The following FHOD3 variants were observed in gnomAD, a reference collection of about 807,000 sequenced individuals.
The protein encoded by FHOD3 is formin homology 2 domain containing 3.
A neutral mutation model predicts 173.0 loss-of-function variants in FHOD3; 90 were observed. The observed-to-expected ratio is 0.52, with a 90% CI of 0.44 to 0.62. The LOEUF (loss-of-function observed/expected upper bound fraction) is 0.62, where lower values mean the gene tolerates loss of function less well. Ranked by LOEUF, FHOD3 falls within the 20% of genes least tolerant of loss-of-function variation. The pLI is 0.00. For missense variants in FHOD3, 1,945 were observed against 2,034.7 expected (o/e 0.96, Z 0.85); for synonymous variants, 828 against 823.0 (o/e 1.01, Z -0.10).
chr18:36,306,745 C>T (rs934776390), intron 1 of FHOD3, among the ~76,000 whole-genome samples: 2 of 152,112 alleles, frequency 1.3e-5, no homozygotes, highest in African/African-American at 4.8e-5. Context: ...CCTAGAACAG[C>T]GTCTGGCACA....
At chr18:36,670,969 T>A (rs983492207) in intron 14 of FHOD3, among the ~76,000 whole-genome samples, 21 of 152,264 alleles carry the variant, frequency 1.4e-4, no homozygotes, top group African/African-American at 4.8e-4. Flanking sequence ...CTCTGAATTA[T>A]GAAGTTTTTC....
At chr18:36,426,644 A>G (rs959858064) in intron 3 of FHOD3, among the ~76,000 whole-genome samples, 1 of 152,208 alleles carries the variant, frequency 6.6e-6, no homozygotes, top group African/African-American at 2.4e-5. Context: ...AAGCATAGAC[A>G]TGTGCATGAA....
intron 1 of FHOD3, among the ~76,000 whole-genome samples, chr18:36,308,574 G>A (rs1227784627): frequency 6.6e-6 from 1 of 152,096 alleles, no homozygotes; most frequent in African/African-American, 2.4e-5. Context: ...CTCATTCTAG[G>A]CTTTCCTGGC....
chr18:36,479,661 C>A (rs1443243005), intron 3 of FHOD3, among the ~76,000 whole-genome samples: 2 of 151,904 alleles, frequency 1.3e-5, no homozygotes, highest in Admixed American at 6.6e-5. Flanking sequence ...AGCCATTATT[C>A]TTAGACATAT....
In FHOD3 at chr18:36,779,497, G is replaced by C; in HGVS notation, c.4836G>C (p.Leu1612=). 1 of 1,614,158 alleles carries C rather than the reference G, an allele frequency of 6.2e-7. No homozygotes were observed. Among genetic ancestry groups the C allele is most frequent in the South Asian group, 1.1e-5 (1 of 91,070 alleles). The change falls in exon 29 of 29, where the codon CTG becomes CTC. Residue 1612 remains leucine, a synonymous_variant. Transcript: ENST00000590592. ...SGLTPEEARA[L]GLVGTSELQL ...TGACCCCAGAAGAAGCCAGAGCCCT[G>C]GGCTTGGTTGGCACCTCGGAGTTGC... is the stretch of plus-strand genomic sequence containing the variant.
chr18:36,760,773 G>A lies in FHOD3; in HGVS notation c.4615G>A (p.Ala1539Thr), dbSNP rs1012329616. The A allele has an allele frequency of 1.9e-6, 3 of 1,609,008 alleles. No individual in the cohort carries two copies. The highest frequency in any genetic ancestry group is 1.7e-5 in the Admixed American group (1 of 59,802). ...GCTGGGCGTCCGCACACGCAGCCGA[G>A]CAAGCCGAGGTAACTCCTGGCTGCG... ...PALGVRTRSRASRGSTSSWTM... is the reference protein window; with the variant it reads ...PALGVRTRSRTSRGSTSSWTM... The change falls in exon 27 of 29, where the codon GCA becomes ACA. Residue 1539 changes from alanine (A) to threonine (T), a missense_variant. Coordinates refer to ENST00000590592, the MANE Select transcript of FHOD3 (RefSeq NM_001281740.3).
Position 36,669,172 on chromosome 18 carries a change from A to G in FHOD3, c.1835+10984A>G, listed in dbSNP as rs1415656916. Among the ~76,000 whole-genome samples the G allele has an allele frequency of 2.0e-5, 3 of 152,048 alleles. No individual in the cohort carries two copies. In the East Asian group the frequency reaches 5.8e-4, roughly 29 times the overall value. On this transcript the variant is annotated intron_variant, in intron 14 of 28. Coordinates refer to ENST00000590592, the MANE Select transcript of FHOD3 (RefSeq NM_001281740.3). ...GTGCATAAATATTTACAATTGTTAT[A>G]TCCTACTGATGGCTTGACTCCTTTC...
intron 3 of FHOD3, among the ~76,000 whole-genome samples, chr18:36,489,113 CT>C (rs2054334614): frequency 1.3e-5 from 2 of 152,088 alleles, no homozygotes; most frequent in Admixed American, 1.3e-4. Flanking sequence ...AGCCCTTGAG[CT>C]AGGGTGGTTT....
intron 3 of FHOD3, among the ~76,000 whole-genome samples, chr18:36,463,896 T>C (rs773316397): frequency 1.1e-4 from 16 of 152,218 alleles, no homozygotes; most frequent in Non-Finnish European, 2.4e-4. Context: ...AATCTAATTA[T>C]TTTTCTTTAA....
rs143838888 is a variant in FHOD3, at chr18:36,651,825, C to T, written c.1287-745C>T. Among the ~76,000 whole-genome samples, 837 of 152,116 alleles carry T rather than the reference C, an allele frequency of 5.5e-3. 8 individuals carry two copies. Among genetic ancestry groups the T allele is most frequent in the African/African-American group, 0.019 (790 of 41,478 alleles). On this transcript the variant is annotated intron_variant, in intron 11 of 28. Transcript: ENST00000590592. ...TATGTATACATTGCATAATGATGAC[C>T]ACAATCAATGAACATGTCTATCACC...
chr18:36,700,687 C>T (rs1227311456), intron 17 of FHOD3, among the ~76,000 whole-genome samples: 1 of 152,172 alleles, frequency 6.6e-6, no homozygotes, highest in African/African-American at 2.4e-5. Context: ...GATCTCTGTA[C>T]CTTTTCTTAA....
intron 3 of FHOD3, among the ~76,000 whole-genome samples, chr18:36,428,817 G>A (rs2050387349): frequency 6.6e-6 from 1 of 152,158 alleles, no homozygotes; most frequent in Non-Finnish European, 1.5e-5. Context: ...GTCCCCTTAG[G>A]TCAGGTGTTC....
chr18:36,633,101 A>G (rs1207437831), intron 10 of FHOD3, among the ~76,000 whole-genome samples: 1 of 152,192 alleles, frequency 6.6e-6, no homozygotes, highest in African/African-American at 2.4e-5. Context: ...CTGCGTGTGC[A>G]CTGTGTTTAC....
rs1324678685 is a variant in FHOD3 at position 36,625,674 on chromosome 18, T to C, written c.1121T>C (p.Leu374Pro). Residue 374 changes from leucine (L) to proline (P), a missense_variant, in exon 10 of 29, where the codon CTG becomes CCG. Transcript: ENST00000590592. ...TCGGTGCAGAGCATCAAGAGCACCC[T>C]GTCGGCCCCCACCAGTCCCTGCTCC... ...RHSVQSIKST[L>P]SAPTSPCSQS... The C allele has an allele frequency of 6.2e-7, 1 of 1,612,332 alleles. No individual in the cohort carries two copies. Among genetic ancestry groups the C allele is most frequent in the Non-Finnish European group, 8.5e-7 (1 of 1,179,014 alleles).
At chr18:36,554,009 AG>A (rs2057770905) in intron 5 of FHOD3, among the ~76,000 whole-genome samples, 1 of 152,194 alleles carries the variant, frequency 6.6e-6, no homozygotes, top group Non-Finnish European at 1.5e-5. Flanking sequence ...GAAGATATGG[AG>A]AAATAGGAAC....
chr18:36,609,360 CAA>C (rs34338484), intron 8 of FHOD3, among the ~76,000 whole-genome samples: 24,410 of 144,666 alleles, frequency 0.17, 2,134 homozygotes, highest in African/African-American at 0.23. Context: ...GAGAATCAGC[CAA>C]AAAAAAAAAA....
intron 9 of FHOD3, among the ~76,000 whole-genome samples, chr18:36,618,523 G>A (rs1363929419): frequency 2.0e-5 from 3 of 151,964 alleles, no homozygotes; most frequent in South Asian, 4.2e-4. Context: ...TGTTGGTTGG[G>A]CTGGTCTGGA....
chr18:36,657,936 T>C, intron 13 of FHOD3, 139 bp from the exon 14 acceptor site: 1 of 591,978 alleles, frequency 1.7e-6, no homozygotes, highest in Non-Finnish European at 2.9e-6. Flanking sequence ...CCTCTTTAGG[T>C]AGAATTACCA....
chr18:36,424,983 G>A (rs574104900), intron 3 of FHOD3, among the ~76,000 whole-genome samples: 24 of 152,246 alleles, frequency 1.6e-4, no homozygotes, highest in African/African-American at 5.3e-4. Context: ...TGGCCCCAAA[G>A]CACAAGACTA....
Sources: allele counts gnomAD v4.1 joint callset (sites outside exome capture counted in the v4.1 genomes callset), GRCh38; gene constraint gnomAD v4.1.1; transcripts MANE v1.5; gene names NCBI Gene and HGNC (gene_info 2026-07-23, HGNC 2026-07-21).